Variants in SCMH1 observed in about 807,000 individuals in gnomAD.
The protein encoded by SCMH1 is polycomb protein SCMH1.
A neutral mutation model predicts 70.8 loss-of-function variants in SCMH1; 37 were observed. The observed-to-expected ratio is 0.52, with a 90% CI of 0.40 to 0.69. The LOEUF is 0.69. SCMH1 is among the 30% of genes least tolerant of loss of function. The pLI, the probability that SCMH1 is intolerant of heterozygous loss-of-function variation, is 0.00. For synonymous variants in SCMH1, 292 were observed against 307.4 expected, an observed-to-expected ratio of 0.95 and a Z score of 0.52; for missense variants, 607 against 827.3, an observed-to-expected ratio of 0.73 and a Z score of 3.27.
chr1:41,046,127 C>G (rs1262660380), intron 12 of SCMH1, among the ~76,000 whole-genome samples: 4 of 152,122 alleles, frequency 2.6e-5, no homozygotes, highest in Admixed American at 1.3e-4. Context: ...CACATGCAGT[C>G]TGAAACTCAG....
chr1:41,125,702 T>A (rs1673025776), intron 6 of SCMH1, among the ~76,000 whole-genome samples: 1 of 151,684 alleles, frequency 6.6e-6, no homozygotes, highest in Non-Finnish European at 1.5e-5. Context: ...GTCTCCCAAG[T>A]AGCTGGGACC....
At chr1:41,191,315 C>A (rs1438531891) in intron 1 of SCMH1, among the ~76,000 whole-genome samples, 3 of 152,164 alleles carry the variant, frequency 2.0e-5, no homozygotes, top group East Asian at 1.9e-4. Flanking sequence ...TTATTTTACA[C>A]AGTAAATATA....
At chr1:41,133,639 T>C (rs1642761248) in intron 6 of SCMH1, among the ~76,000 whole-genome samples, 1 of 152,028 alleles carries the variant, frequency 6.6e-6, no homozygotes, top group Non-Finnish European at 1.5e-5. Context: ...CAAACTACCA[T>C]CAGAGAATAC....
At chr1:41,104,517 G>A (rs1326759297) in intron 8 of SCMH1, among the ~76,000 whole-genome samples, 1 of 152,160 alleles carries the variant, frequency 6.6e-6, no homozygotes, top group Non-Finnish European at 1.5e-5. Context: ...AATGTTTGTG[G>A]TGACAGATAT....
intron 2 of SCMH1, among the ~76,000 whole-genome samples, chr1:41,174,907 C>A (rs1357717750): frequency 6.6e-6 from 1 of 152,136 alleles, no homozygotes; most frequent in Non-Finnish European, 1.5e-5. Flanking sequence ...GGGGAAGGGG[C>A]TAGTGTGTTT....
rs146045353 is a variant in SCMH1 at position 41,079,537 on chromosome 1, C to T, written c.746-4086G>A. Among the ~76,000 whole-genome samples, 175 of 152,194 alleles carry T rather than the reference C, an allele frequency of 1.1e-3. 1 individual carries two copies. The highest frequency in any genetic ancestry group is 3.8e-3 in the African/African-American group (157 of 41,526). ...CAACCAACCTAACTGATACATATAC[C>T]TAATAAATATAGAATACGCAGAGAC... On this transcript the variant is annotated intron_variant, in intron 8 of 14. Transcript: ENST00000337495.
intron 8 of SCMH1, among the ~76,000 whole-genome samples, chr1:41,106,968 G>A (rs1206307947): frequency 1.3e-5 from 2 of 151,444 alleles, no homozygotes; most frequent in East Asian, 1.9e-4. Flanking sequence ...GATTATAGGC[G>A]TGAGCCACCA....
At chr1:41,069,485 T>C (rs768547373) in intron 10 of SCMH1, among the ~76,000 whole-genome samples, 2 of 152,188 alleles carry the variant, frequency 1.3e-5, no homozygotes, top group African/African-American at 2.4e-5. Flanking sequence ...AGACCCTTCA[T>C]TCCTTTAAAC....
chr1:41,048,740 T>G, exon 11 of SCMH1: 1 of 1,614,140 alleles, frequency 6.2e-7, no homozygotes, highest in Non-Finnish European at 8.5e-7. Flanking sequence ...GAAGACGGTT[T>G]TCTGGTGATA....
chr1:41,093,976 T>C (rs2149046859), intron 8 of SCMH1, among the ~76,000 whole-genome samples: 1 of 152,352 alleles, frequency 6.6e-6, no homozygotes, highest in Non-Finnish European at 1.5e-5. Flanking sequence ...AACGAGTTTG[T>C]CTTGTTAGTC....
intron 1 of SCMH1, among the ~76,000 whole-genome samples, chr1:41,229,212 AAAG>A (rs1660844285): frequency 6.6e-6 from 1 of 152,134 alleles, no homozygotes; most frequent in Non-Finnish European, 1.5e-5. Context: ...CAAAAAAAAA[AAAG>A]ATTCATTAAT....
chr1:41,063,284 C>T (rs28787055), intron 10 of SCMH1, among the ~76,000 whole-genome samples: 11,848 of 151,946 alleles, frequency 0.078, 589 homozygotes, highest in South Asian at 0.13. Context: ...CCACCCTGGC[C>T]AACACAGTGA....
chr1:41,168,605 A>C (rs1473820699), intron 2 of SCMH1, among the ~76,000 whole-genome samples: 1 of 139,652 alleles, frequency 7.2e-6, no homozygotes, highest in Non-Finnish European at 1.5e-5. Context: ...TAAATCACAT[A>C]TCTCTATTTC....
At chr1:41,155,459 AAAACAAAC>A (rs138222770) in intron 4 of SCMH1, among the ~76,000 whole-genome samples, 83 of 151,600 alleles carry the variant, frequency 5.5e-4, no homozygotes, top group East Asian at 4.1e-3. Flanking sequence ...ACATGGAGCA[AAAACAAAC>A]AAACAAACAA....
chr1:41,179,896 G>A (rs1409850648), intron 2 of SCMH1, among the ~76,000 whole-genome samples: 3 of 152,064 alleles, frequency 2.0e-5, no homozygotes, highest in African/African-American at 7.2e-5. Flanking sequence ...CCAAAGTCTG[G>A]CAGAGACACA....
chr1:41,076,980 G>C (rs1243520734), intron 8 of SCMH1, among the ~76,000 whole-genome samples: 4 of 152,180 alleles, frequency 2.6e-5, no homozygotes, highest in Non-Finnish European at 4.4e-5. Context: ...AGAGGGACGA[G>C]AGTAGAATTA....
At chr1:41,105,015 G>C (rs1033573989) in intron 8 of SCMH1, among the ~76,000 whole-genome samples, 2 of 152,084 alleles carry the variant, frequency 1.3e-5, no homozygotes, top group African/African-American at 4.8e-5. Flanking sequence ...GAGTGCAGTG[G>C]CACAATCTCG....
intron 1 of SCMH1, among the ~76,000 whole-genome samples, chr1:41,202,417 C>T (rs1036123918): frequency 5.9e-5 from 9 of 151,946 alleles, no homozygotes; most frequent in African/African-American, 2.2e-4. Flanking sequence ...CCTAGTAATT[C>T]ATCCCTTACT....
chr1:41,204,442 C>G (rs1482756181), intron 1 of SCMH1, among the ~76,000 whole-genome samples: 1 of 152,206 alleles, frequency 6.6e-6, no homozygotes, highest in Non-Finnish European at 1.5e-5. Context: ...TCCTGGCCCA[C>G]ATAGTCCTGC....
Sources: allele counts gnomAD v4.1 joint callset (sites outside exome capture counted in the v4.1 genomes callset), GRCh38; gene constraint gnomAD v4.1.1; transcripts MANE v1.5; gene names NCBI Gene and HGNC (gene_info 2026-07-23, HGNC 2026-07-21).